Variants in DLG2 observed in about 807,000 individuals in gnomAD.
DLG2 encodes discs large MAGUK scaffold protein 2, also known as disks large homolog 2.
In DLG2, 45 loss-of-function variants were observed where a neutral mutation model predicts 132.5. The ratio of observed to expected loss-of-function variants is 0.34; its 90% confidence interval spans 0.27 to 0.44. The LOEUF (loss-of-function observed/expected upper bound fraction) is 0.44. Among genes scored for constraint, DLG2 ranks in the 20% least tolerant of loss-of-function variants. The probability of loss-of-function intolerance (pLI) is 1.00; values close to 1 mark genes in which losing one functional copy is unlikely to be tolerated. For missense variants in DLG2, 1,045 were observed against 1,196.9 expected (o/e 0.87, Z 1.87); for synonymous variants, 424 against 419.6 (o/e 1.01, Z -0.13).
At chr11:85,067,759 C>G (rs1016344930) in intron 6 of DLG2, among the ~76,000 whole-genome samples, 2 of 151,928 alleles carry the variant, frequency 1.3e-5, no homozygotes, top group Non-Finnish European at 2.9e-5. Flanking sequence ...TGAAATTATT[C>G]CAATCAATAG....
chr11:84,216,672 G>A (rs754784590), intron 8 of DLG2, among the ~76,000 whole-genome samples: 29 of 152,146 alleles, frequency 1.9e-4, no homozygotes, highest in Non-Finnish European at 3.5e-4. Context: ...CAGCGGATGT[G>A]CAATGGAAAG....
intron 3 of DLG2, among the ~76,000 whole-genome samples, chr11:85,400,852 C>T (rs1302450764): frequency 1.3e-5 from 2 of 151,142 alleles, no homozygotes; most frequent in Non-Finnish European, 1.5e-5. Flanking sequence ...TTAATGAGTG[C>T]AGCACACCAG....
At chr11:85,412,066 A>G (rs566084974) in intron 3 of DLG2, among the ~76,000 whole-genome samples, 6 of 152,000 alleles carry the variant, frequency 3.9e-5, no homozygotes, top group Admixed American at 3.3e-4. Flanking sequence ...TAAGCCAATC[A>G]TGTTTAAATC....
intron 19 of DLG2, among the ~76,000 whole-genome samples, chr11:83,579,993 A>T (rs1207622176): frequency 6.6e-6 from 1 of 151,898 alleles, no homozygotes; most frequent in East Asian, 1.9e-4. Flanking sequence ...AAATAAATAA[A>T]TAATAAATAA....
intron 6 of DLG2, among the ~76,000 whole-genome samples, chr11:84,671,950 A>G (rs968143014): frequency 6.6e-6 from 1 of 152,156 alleles, no homozygotes; most frequent in Non-Finnish European, 1.5e-5. Context: ...CAAGCTTCAG[A>G]GGCAGAGACT....
chr11:85,537,184 A>G (rs1204396626), intron 3 of DLG2, among the ~76,000 whole-genome samples: 3 of 152,184 alleles, frequency 2.0e-5, no homozygotes, highest in East Asian at 3.8e-4. Flanking sequence ...CTCTGTCAAT[A>G]TGGACCAATC....
At chr11:85,453,565 T>G (rs1184603586) in intron 3 of DLG2, 1 of 154,960 alleles carries the variant, frequency 6.5e-6, no homozygotes, top group African/African-American at 2.4e-5. Context: ...TTATCATCGT[T>G]TTGCCAAGAT....
chr11:84,871,011 A>G (rs1437609060), intron 6 of DLG2, among the ~76,000 whole-genome samples: 1 of 152,260 alleles, frequency 6.6e-6, no homozygotes, highest in Non-Finnish European at 1.5e-5. Flanking sequence ...CATTGTATGT[A>G]TCATGATTGC....
At chr11:83,550,432 G>A (rs910874180) in intron 19 of DLG2, among the ~76,000 whole-genome samples, 6 of 152,108 alleles carry the variant, frequency 3.9e-5, no homozygotes, top group African/African-American at 7.2e-5. Flanking sequence ...CTCCAGGGAC[G>A]GGGCCCATTT....
At chr11:84,480,075 C>T (rs141152158) in intron 7 of DLG2, among the ~76,000 whole-genome samples, 9 of 152,194 alleles carry the variant, frequency 5.9e-5, no homozygotes, top group East Asian at 5.8e-4. Context: ...ACATTCTTCT[C>T]GTCATATTAT....
At chr11:85,604,745 G>C (rs1490595986) in intron 2 of DLG2, among the ~76,000 whole-genome samples, 2 of 152,134 alleles carry the variant, frequency 1.3e-5, no homozygotes, top group Non-Finnish European at 2.9e-5. Context: ...ATGCAACCAA[G>C]GGATAGTGAA....
intron 3 of DLG2, among the ~76,000 whole-genome samples, chr11:85,524,727 C>A (rs190355938): frequency 2.6e-5 from 4 of 152,286 alleles, no homozygotes; most frequent in Admixed American, 2.6e-4. Context: ...CTCCTGGACT[C>A]AAGCTGTCCT....
intron 6 of DLG2, among the ~76,000 whole-genome samples, chr11:84,579,681 T>TA (rs2099511843): frequency 6.6e-6 from 1 of 152,212 alleles, no homozygotes; most frequent in Non-Finnish European, 1.5e-5. Flanking sequence ...AAGGTTATGA[T>TA]ATGCTGAGGA....
intron 6 of DLG2, among the ~76,000 whole-genome samples, chr11:84,989,382 G>C (rs1369019243): frequency 6.6e-6 from 1 of 152,044 alleles, no homozygotes; most frequent in Non-Finnish European, 1.5e-5. Context: ...CACCATGTTG[G>C]CCGGGGTGGT....
chr11:84,906,381 A>G (rs936437221), intron 6 of DLG2, among the ~76,000 whole-genome samples: 2 of 144,206 alleles, frequency 1.4e-5, no homozygotes, highest in African/African-American at 5.1e-5. Flanking sequence ...CAGCAAGGCT[A>G]ACACACACAC....
chr11:85,103,347 T>G (rs1204176446), intron 6 of DLG2, among the ~76,000 whole-genome samples: 2 of 151,850 alleles, frequency 1.3e-5, no homozygotes, highest in African/African-American at 4.8e-5. Flanking sequence ...CTACCAAATT[T>G]CCAACTTACT....
rs1193929174 is a variant in DLG2 at position 85,614,541 on chromosome 11, G to A, written c.-93+12046C>T. On this transcript the variant is annotated intron_variant, in intron 2 of 27. Coordinates refer to ENST00000376104, the MANE Select transcript of DLG2 (RefSeq NM_001142699.3). ...TGTAATCCCAGCTACTCAGGAGGCT[G>A]AGGCAGAAGAACAGCTTGAACTTGG... is the stretch of plus-strand genomic sequence containing the variant. Among the ~76,000 whole-genome samples, 3 of 152,186 alleles carry A rather than the reference G, an allele frequency of 2.0e-5. No homozygotes were observed. In the East Asian group the frequency reaches 5.8e-4, roughly 29 times the overall value.
intron 6 of DLG2, among the ~76,000 whole-genome samples, chr11:84,935,073 A>T (rs1458651143): frequency 6.6e-6 from 1 of 152,184 alleles, no homozygotes; most frequent in Non-Finnish European, 1.5e-5. Context: ...CATAAGTCAG[A>T]AATCTAGCAG....
At chr11:84,991,509 A>ACAC (rs1399841407) in intron 6 of DLG2, among the ~76,000 whole-genome samples, 3 of 128,276 alleles carry the variant, frequency 2.3e-5, no homozygotes, top group African/African-American at 8.8e-5. Context: ...ACACCTTCTC[A>ACAC]AAAAAAAAAA....
Sources: gnomAD v4.1 joint callset for allele counts (sites outside exome capture counted in the v4.1 genomes callset) on GRCh38, gnomAD v4.1.1 for gene constraint, MANE v1.5 for transcripts, NCBI Gene and HGNC (gene_info 2026-07-23, HGNC 2026-07-21) for gene names.